CTNNA3: variants seen among roughly 807,000 people sequenced by gnomAD.
CTNNA3 encodes the protein catenin alpha 3.
Under a neutral mutation model 95.7 loss-of-function variants are expected in CTNNA3, and 76 were observed. That is an observed-to-expected ratio of 0.79 (90% CI 0.66 to 0.96). CTNNA3 has a LOEUF of 0.96. CTNNA3 is among the 40% of genes least tolerant of loss of function. CTNNA3 has a pLI of 0.00. For missense variants in CTNNA3, 1,191 were observed against 1,089.8 expected, an observed-to-expected ratio of 1.09 and a Z score of -1.31; for synonymous variants, 431 against 374.4, an observed-to-expected ratio of 1.15 and a Z score of -1.74.
intron 5 of CTNNA3, among the ~76,000 whole-genome samples, chr10:67,232,141 G>C (rs1389165014): frequency 1.3e-5 from 2 of 151,956 alleles, no homozygotes; most frequent in African/African-American, 4.8e-5. Flanking sequence ...CCAACATTCA[G>C]ATTCAGGAAA....
intron 5 of CTNNA3, among the ~76,000 whole-genome samples, chr10:67,357,217 A>G (rs1842840849): frequency 6.6e-6 from 1 of 151,876 alleles, no homozygotes; most frequent in Admixed American, 6.6e-5. Flanking sequence ...GAAATGCATT[A>G]CTCTCTTCCT....
chr10:67,291,736 C>G (rs1278900700), intron 5 of CTNNA3, among the ~76,000 whole-genome samples: 2 of 152,130 alleles, frequency 1.3e-5, no homozygotes, highest in African/African-American at 4.8e-5. Context: ...TTACTGTAAC[C>G]TCTTCACATG....
At chr10:66,073,279 C>T (rs914889330) in intron 14 of CTNNA3, among the ~76,000 whole-genome samples, 1 of 152,120 alleles carries the variant, frequency 6.6e-6, no homozygotes, top group Non-Finnish European at 1.5e-5. Context: ...AGTGTTCTCA[C>T]CACAAAGATG....
intron 11 of CTNNA3, among the ~76,000 whole-genome samples, chr10:66,418,671 A>T (rs1331126858): frequency 6.6e-6 from 1 of 151,206 alleles, no homozygotes; most frequent in Non-Finnish European, 1.5e-5. Flanking sequence ...ACATCAAAAA[A>T]ATAATACCCA....
chr10:67,147,878 C>A (rs1860916223), intron 7 of CTNNA3, among the ~76,000 whole-genome samples: 1 of 152,146 alleles, frequency 6.6e-6, no homozygotes, highest in Non-Finnish European at 1.5e-5. Context: ...ATTTGCATTT[C>A]TTCAAAGCCT....
intron 7 of CTNNA3, among the ~76,000 whole-genome samples, chr10:66,899,919 CAGGG>C (rs1391193861): frequency 6.6e-6 from 1 of 152,156 alleles, no homozygotes; most frequent in East Asian, 1.9e-4. Flanking sequence ...CCTTTGTGGG[CAGGG>C]CATAGCTCAA....
chr10:66,600,672 T>C (rs1329334096), intron 10 of CTNNA3, among the ~76,000 whole-genome samples: 2 of 151,842 alleles, frequency 1.3e-5, no homozygotes, highest in Non-Finnish European at 2.9e-5. Flanking sequence ...TCTTACCAAG[T>C]ATGATACAGA....
At chr10:66,256,969 C>T (rs1287704214) in intron 13 of CTNNA3, among the ~76,000 whole-genome samples, 10 of 152,074 alleles carry the variant, frequency 6.6e-5, no homozygotes, top group Admixed American at 2.6e-4. Context: ...ATCGGAAGAG[C>T]GAGTGACCCT....
rs74734523 is a variant in CTNNA3, at chr10:67,252,269, C to T, written c.580-32399G>A. On this transcript the variant is annotated intron_variant, in intron 5 of 17. Coordinates refer to ENST00000433211, the MANE Select transcript of CTNNA3 (RefSeq NM_013266.4). The stretch of plus-strand genomic sequence containing the variant: ...GGACTAAGGAGTAAGGTAGCTATTA[C>T]GTGGAGAATTAGAAGCTCATCTACT... 6.9e-3 allele frequency among the ~76,000 whole-genome samples: 1,041 copies of T among 150,124 alleles called. 8 individuals are homozygous for T. The highest frequency in any genetic ancestry group is 0.019 in the African/African-American group (788 of 40,670).
intron 7 of CTNNA3, among the ~76,000 whole-genome samples, chr10:66,870,350 A>G (rs1844349584): frequency 6.6e-6 from 1 of 152,224 alleles, no homozygotes. Flanking sequence ...AATGGACAAT[A>G]TTTTATTGTA....
intron 14 of CTNNA3, among the ~76,000 whole-genome samples, chr10:66,102,087 C>A (rs1003103408): frequency 6.6e-6 from 1 of 151,982 alleles, no homozygotes; most frequent in Admixed American, 6.6e-5. Context: ...TCTACAAAAA[C>A]AGAGTATGCG....
At chr10:66,188,455 A>G (rs1196658727) in intron 13 of CTNNA3, among the ~76,000 whole-genome samples, 1 of 151,482 alleles carries the variant, frequency 6.6e-6, no homozygotes, top group South Asian at 2.1e-4. Context: ...AAGATTCCAT[A>G]TATAAGTGAG....
intron 5 of CTNNA3, among the ~76,000 whole-genome samples, chr10:67,483,070 C>T (rs1331062263): frequency 6.6e-6 from 1 of 151,944 alleles, no homozygotes; most frequent in Non-Finnish European, 1.5e-5. Flanking sequence ...CAATGAGATA[C>T]CATCTCACAC....
At chr10:67,568,367 T>C (rs1162528154) in intron 3 of CTNNA3, among the ~76,000 whole-genome samples, 2 of 151,982 alleles carry the variant, frequency 1.3e-5, no homozygotes, top group Admixed American at 1.3e-4. Flanking sequence ...CCTATCAGTA[T>C]ACTTAGGTAC....
chr10:66,690,136 G>A (rs1307717828), intron 9 of CTNNA3, among the ~76,000 whole-genome samples: 2 of 152,112 alleles, frequency 1.3e-5, no homozygotes, highest in African/African-American at 4.8e-5. Context: ...TAAGAGGTGT[G>A]TAACTGGGAG....
At chr10:66,791,892 G>A (rs546655456) in intron 7 of CTNNA3, among the ~76,000 whole-genome samples, 54 of 152,196 alleles carry the variant, frequency 3.5e-4, no homozygotes, top group Non-Finnish European at 6.2e-4. Context: ...CTATACTTAT[G>A]CACTATAATC....
intron 3 of CTNNA3, among the ~76,000 whole-genome samples, chr10:67,560,433 A>C (rs924235658): frequency 1.3e-5 from 2 of 152,210 alleles, no homozygotes; most frequent in African/African-American, 4.8e-5. Context: ...AGACAAGCAA[A>C]TGCTGAGAGA....
chr10:66,695,916 A>AGGCG (rs1554837115), intron 9 of CTNNA3, among the ~76,000 whole-genome samples: 5 of 119,368 alleles, frequency 4.2e-5, no homozygotes, highest in African/African-American at 1.6e-4. Context: ...AAGAGACGTA[A>AGGCG]GGGGGGGGGG....
At chr10:67,092,109 G>A (rs1857679048) in intron 7 of CTNNA3, among the ~76,000 whole-genome samples, 1 of 151,874 alleles carries the variant, frequency 6.6e-6, no homozygotes, top group Admixed American at 6.6e-5. Context: ...CTAAAAAACT[G>A]AATTTCTTCA....
Sources: gnomAD v4.1 joint callset for allele counts (sites outside exome capture counted in the v4.1 genomes callset) on GRCh38, gnomAD v4.1.1 for gene constraint, MANE v1.5 for transcripts, NCBI Gene and HGNC (gene_info 2026-07-23, HGNC 2026-07-21) for gene names.